Variants in TRRAP observed in about 807,000 individuals in gnomAD.
TRRAP encodes the protein transformation/transcription domain-associated protein.
Under a neutral mutation model 438.8 loss-of-function variants are expected in TRRAP, and 41 were observed. The observed-to-expected ratio is 0.09, with a 90% CI of 0.07 to 0.12. TRRAP has a LOEUF of 0.12. TRRAP is among the 10% of genes least tolerant of loss of function. The pLI is 1.00. For missense variants in TRRAP, 3,122 were observed against 5,055.1 expected (o/e 0.62, Z 11.60); for synonymous variants, 1,994 against 1,962.9 (o/e 1.02, Z -0.42).
intron 67 of TRRAP, among the ~76,000 whole-genome samples, chr7:99,002,644 G>A (rs1303242209): frequency 1.3e-5 from 2 of 152,128 alleles, no homozygotes; most frequent in South Asian, 2.1e-4. Context: ...TGCCTGTGTG[G>A]AGTCCTGGCA....
intron 8 of TRRAP, among the ~76,000 whole-genome samples, chr7:98,898,854 A>C (rs782129688): frequency 6.6e-6 from 1 of 152,232 alleles, no homozygotes; most frequent in Non-Finnish European, 1.5e-5. Context: ...GTTTGGACAT[A>C]GTTTCCTGAA....
Position 98,976,306 on chromosome 7 carries a change from A to G in TRRAP, c.7959+38A>G. ...TTAAAATCCTGTTTTGGAAAATTGT[A>G]GTTTTAGCTTTTGGTAAGTATTCAT... On this transcript the variant is annotated intron_variant, in intron 54 of 72. Coordinates refer to ENST00000456197, the MANE Select transcript of TRRAP (RefSeq NM_001375524.1). This position sits in a 1 kb window ranked among gnomAD's most constrained non-coding sequence, Gnocchi z 4.6. 6.2e-7 allele frequency: 1 copy of G among 1,610,096 alleles called. No homozygotes were observed. Among genetic ancestry groups the G allele is most frequent in the Non-Finnish European group, 8.5e-7 (1 of 1,177,958 alleles).
At chr7:98,999,014 C>A in intron 67 of TRRAP, 1 of 709,354 alleles carries the variant, frequency 1.4e-6, no homozygotes, top group Non-Finnish European at 2.4e-6. Flanking sequence ...GGGCAGCACA[C>A]CACATCTGCC....
rs545847725 is a variant in TRRAP, at chr7:98,930,294, C to G, written c.3393+88C>G. On this transcript the variant is annotated intron_variant, in intron 24 of 72. Transcript: ENST00000456197. ...CTAGAAACTGATAGTTTAAGAATTG[C>G]GGCCAGACGCAGTGGCTCACGCCTG... 1.3e-5 allele frequency: 19 copies of G among 1,479,874 alleles called. No individual in the cohort carries two copies. The African/African-American group carries it at 2.5e-4, about 20-fold the overall frequency. 91.7% of individuals were successfully genotyped at this position (1,479,874 alleles called of 1,614,324 possible).
At chr7:98,933,046 C>T (rs572722363) in intron 26 of TRRAP, among the ~76,000 whole-genome samples, 195 bp from the exon 27 acceptor site, 4 of 150,434 alleles carry the variant, frequency 2.7e-5, no homozygotes, top group South Asian at 2.1e-4. Context: ...AGAGAGGTTA[C>T]GCTGTACCTT....
chr7:98,933,143 A>G, intron 26 of TRRAP, 98 bp from the exon 27 acceptor site: 2 of 1,426,268 alleles, frequency 1.4e-6, no homozygotes, highest in Non-Finnish European at 1.9e-6. Context: ...AGATATCTGT[A>G]ATAACTTTGG....
At chr7:98,929,124 T>G (rs1453344868) in intron 23 of TRRAP, among the ~76,000 whole-genome samples, 2 of 152,024 alleles carry the variant, frequency 1.3e-5, no homozygotes, top group African/African-American at 4.8e-5. Flanking sequence ...GTATTTTTAG[T>G]AGAGACGGGG....
chr7:98,971,365 C>G (rs1363285784), intron 52 of TRRAP, among the ~76,000 whole-genome samples: 1 of 152,190 alleles, frequency 6.6e-6, no homozygotes, highest in Non-Finnish European at 1.5e-5. Flanking sequence ...GTGTATTCCT[C>G]TTTGGGAATG....
At chr7:98,880,503 C>CT (rs1309129691) in intron 1 of TRRAP, among the ~76,000 whole-genome samples, 2 of 152,116 alleles carry the variant, frequency 1.3e-5, no homozygotes, top group African/African-American at 4.8e-5. Context: ...ACCTCGTGAT[C>CT]TCCCTGCCTT....
intron 62 of TRRAP, among the ~76,000 whole-genome samples, chr7:98,985,901 C>T (rs1291173002): frequency 1.3e-5 from 2 of 152,146 alleles, no homozygotes; most frequent in Non-Finnish European, 2.9e-5. Flanking sequence ...AGAATATTTC[C>T]ATCATCCCCC....
chr7:98,926,383 G>A (rs111616517), intron 22 of TRRAP, among the ~76,000 whole-genome samples: 139 of 152,038 alleles, frequency 9.1e-4, no homozygotes, highest in Non-Finnish European at 1.8e-3. Context: ...TTAAAAGATG[G>A]CAGAACAAAA....
At chr7:99,010,983 T>G in intron 70 of TRRAP, 69 bp from the exon 71 acceptor site, 1 of 1,477,848 alleles carries the variant, frequency 6.8e-7, no homozygotes, top group Non-Finnish European at 9.2e-7. Context: ...GAATTGCAAT[T>G]TGAGAATTTT....
chr7:99,005,652 A>G lies in TRRAP; in HGVS notation c.10753+304A>G, dbSNP rs1345927995. On this transcript the variant is annotated intron_variant, in intron 69 of 72. Transcript: ENST00000456197. The surrounding 1 kb of genome is among the most constrained non-coding windows in gnomAD (Gnocchi z 5.1). ...AATGTGGTTCGACACAAATTCGTCA[A>G]CTTTCTTAGGACATTATGAGATTTC... 6.6e-6 allele frequency among the ~76,000 whole-genome samples: 1 copy of G among 151,292 alleles called. No homozygotes were observed. The highest frequency in any genetic ancestry group is 6.6e-5 in the Admixed American group (1 of 15,222).
At chr7:98,919,363 G>A (rs549337147) in intron 20 of TRRAP, among the ~76,000 whole-genome samples, 1 of 152,328 alleles carries the variant, frequency 6.6e-6, no homozygotes, top group South Asian at 2.1e-4. Context: ...CACTTTGGGA[G>A]GCCGAGGCAG....
rs1554408899 is a variant in TRRAP at position 98,912,204 on chromosome 7, A to G, written c.2190A>G (p.Gln730=). 2 of 1,613,334 alleles carry G rather than the reference A, an allele frequency of 1.2e-6. No homozygotes were observed. The highest frequency in any genetic ancestry group is 2.2e-5 in the South Asian group (2 of 90,900). Residue 730 remains glutamine (Q), a synonymous_variant, in exon 18 of 73, where the codon CAA becomes CAG. Transcript: ENST00000456197. ...CCCTCTTTGCAGCTGAAAATGAACA[A>G]ATGCTGAAGGTAAAGTCCATTTAAT... ...SVSLFAAENE[Q]MLKPHLHKIV...
At chr7:98,920,417 C>T (rs1347466766) in intron 20 of TRRAP, among the ~76,000 whole-genome samples, 1 of 151,664 alleles carries the variant, frequency 6.6e-6, no homozygotes, top group Non-Finnish European at 1.5e-5. Flanking sequence ...TTGCAGTGAG[C>T]CGAGATTGCA....
At position 98,931,432 on chromosome 7, in the gene TRRAP, A is replaced by G; in HGVS notation, c.3619A>G (p.Lys1207Glu). Residue 1207 changes from lysine (K) to glutamate (E), a missense_variant, in exon 26 of 73, where the codon AAG becomes GAG. Coordinates refer to ENST00000456197, the MANE Select transcript of TRRAP (RefSeq NM_001375524.1). ...TTCCAATGGGGCAGTCGCTATGGCA[A>G]AGACCACGCTGGAGCAGCTTCTGAT... Reference protein sequence around the residue: ...EVSNGAVAMAKTTLEQLLMRC... With the variant: ...EVSNGAVAMAETTLEQLLMRC... 1 of 1,614,106 alleles carries G rather than the reference A, an allele frequency of 6.2e-7. No homozygotes were observed. Among genetic ancestry groups the G allele is most frequent in the Non-Finnish European group, 8.5e-7 (1 of 1,180,038 alleles).
intron 3 of TRRAP, among the ~76,000 whole-genome samples, chr7:98,883,428 T>C (rs1313651392): frequency 2.6e-5 from 4 of 152,228 alleles, no homozygotes; most frequent in African/African-American, 9.6e-5. Flanking sequence ...GAGGGCTGCT[T>C]TAAAGTCTTC....
chr7:98,885,683 T>G (rs1554403850), intron 3 of TRRAP, among the ~76,000 whole-genome samples: 1 of 151,966 alleles, frequency 6.6e-6, no homozygotes, highest in African/African-American at 2.4e-5. Flanking sequence ...TATATATATA[T>G]ATGAAGAGGT....
Sources: gnomAD v4.1 joint callset for allele counts (sites outside exome capture counted in the v4.1 genomes callset) on GRCh38, gnomAD v4.1.1 for gene constraint, Gnocchi (gnomAD v3.1) non-coding constraint, MANE v1.5 for transcripts, NCBI Gene and HGNC (gene_info 2026-07-23, HGNC 2026-07-21) for gene names.